The following PIWIL3 variants were observed in gnomAD, a reference collection of about 807,000 sequenced individuals.
PIWIL3 encodes piwi like RNA-mediated gene silencing 3, also known as piwi-like protein 3.
PIWIL3 carries 101 observed loss-of-function variants against 109.7 expected under a neutral mutation model. The ratio of observed to expected loss-of-function variants is 0.92; its 90% CI spans 0.78 to 1.09. PIWIL3 has a LOEUF of 1.09. PIWIL3 is among the 50% of genes least tolerant of loss of function. The pLI is 0.00. For synonymous variants in PIWIL3, 373 were observed against 376.4 expected, an observed-to-expected ratio of 0.99 and a Z score of 0.10; for missense variants, 1,031 against 1,072.6, an observed-to-expected ratio of 0.96 and a Z score of 0.54.
In PIWIL3 at chr22:24,734,223, A is replaced by G. The variant is rs1259482955; in HGVS notation, c.1635-67T>C. The G allele has an allele frequency of 1.6e-5, 25 of 1,570,318 alleles. No individual in the cohort carries two copies. The South Asian group carries it at 3.0e-4, about 19-fold the overall frequency. On this transcript the variant is annotated intron_variant, in intron 13 of 20. Transcript: ENST00000616349. ...CAGTGAAACAAACGTTTCACCCAGCAAATTAAATACAAAGTAAGACATGAT... is the reference window on the plus strand; with the variant it reads ...CAGTGAAACAAACGTTTCACCCAGCGAATTAAATACAAAGTAAGACATGAT...
rs754585316 is a variant in PIWIL3 at position 24,754,191 on chromosome 22, T to C, written c.800A>G (p.Tyr267Cys). Reference protein sequence around the residue: ...HGTSLEIWLGYVTSVLQYENS... With the variant: ...HGTSLEIWLGCVTSVLQYENS... ...TTCGTATTGAAGAACAGAAGTAACA[T>C]AACCAAGCCAGATTTCCAAACTGGT... Residue 267 changes from tyrosine to cysteine, a missense_variant, in exon 8 of 21, where the codon TAT becomes TGT. Tyr to Cys is a radical substitution (Grantham distance 194, BLOSUM62 -2). Coordinates refer to ENST00000616349, the MANE Select transcript of PIWIL3 (RefSeq NM_001255975.1). The C allele has an allele frequency of 2.0e-5, 33 of 1,613,860 alleles. 1 individual carries two copies. The South Asian group carries it at 3.1e-4, about 15-fold the overall frequency.
chr22:24,770,846 A>C (rs1312407488), intron 1 of PIWIL3, among the ~76,000 whole-genome samples: 1 of 151,388 alleles, frequency 6.6e-6, no homozygotes, highest in Admixed American at 6.6e-5. Flanking sequence ...AAAAAATAAT[A>C]ATAATAAATA....
At chr22:24,760,901 A>G (rs947601923) in intron 2 of PIWIL3, among the ~76,000 whole-genome samples, 5 of 150,210 alleles carry the variant, frequency 3.3e-5, no homozygotes, top group Admixed American at 2.7e-4. Flanking sequence ...AAGGGATGTG[A>G]GCTGTTTGGG....
chr22:24,764,403 G>T (rs912293601), intron 1 of PIWIL3, among the ~76,000 whole-genome samples: 57 of 152,178 alleles, frequency 3.7e-4, no homozygotes, highest in African/African-American at 1.3e-3. Context: ...CCAACTCCCT[G>T]CTGGGGCCGG....
intron 19 of PIWIL3, among the ~76,000 whole-genome samples, chr22:24,721,810 T>C (rs1414443094): frequency 6.6e-6 from 1 of 152,244 alleles, no homozygotes; most frequent in Non-Finnish European, 1.5e-5. Flanking sequence ...AACCATTTCA[T>C]CTTCTGGAAG....
chr22:24,720,429 A>G (rs1922609586), intron 19 of PIWIL3, among the ~76,000 whole-genome samples: 2 of 150,438 alleles, frequency 1.3e-5, no homozygotes, highest in South Asian at 2.1e-4. Context: ...CCACCACCAC[A>G]CCCGGCTAAT....
In PIWIL3 at chr22:24,744,178, T is replaced by TTAAAAAAAAAAAAAAAA. The variant is rs1924180538; in HGVS notation, c.1449+4728_1449+4729insTTTTTTTTTTTTTTTTA. Among the ~76,000 whole-genome samples the TTAAAAAAAAAAAAAAAA allele has an allele frequency of 9.1e-3, 311 of 34,318 alleles. 102 individuals carry two copies. The highest frequency in any genetic ancestry group is 0.012 in the Non-Finnish European group (204 of 17,634). The allele number at this position is 34,318 out of a possible 152,430, so 22.5% of individuals were successfully genotyped here. Reference sequence around the variant, plus strand: ...ACTCTAATTGAAAGAGTGACCGAATTAAAAAAAAAAAAAAAAAAAAAAAAA... The same window carrying TTAAAAAAAAAAAAAAAA: ...ACTCTAATTGAAAGAGTGACCGAATTTAAAAAAAAAAAAAAAAAAAAAAAAAAAAAAAAAAAAAAAAA... On this transcript the variant is annotated intron_variant, in intron 12 of 20. Coordinates refer to ENST00000616349, the MANE Select transcript of PIWIL3 (RefSeq NM_001255975.1).
At chr22:24,751,627 C>A in intron 8 of PIWIL3, 129 bp from the exon 9 acceptor site, 2 of 1,430,036 alleles carry the variant, frequency 1.4e-6, no homozygotes, top group African/African-American at 1.4e-5. Context: ...ATGTAATTCA[C>A]ATACTGTACA....
At chr22:24,759,488 C>T (rs1197484540) in intron 3 of PIWIL3, among the ~76,000 whole-genome samples, 1 of 152,134 alleles carries the variant, frequency 6.6e-6, no homozygotes, top group African/African-American at 2.4e-5. Flanking sequence ...CGAGGATAAC[C>T]TGTCAGCCTG....
At chr22:24,773,260 G>A (rs2147739983) in intron 1 of PIWIL3, among the ~76,000 whole-genome samples, 1 of 152,274 alleles carries the variant, frequency 6.6e-6, no homozygotes, top group South Asian at 2.1e-4. Flanking sequence ...ATTACACACT[G>A]TCCCTTCCCC....
chr22:24,754,943 A>G (rs536930241), intron 6 of PIWIL3, 79 bp from the exon 7 acceptor site: 28 of 1,193,038 alleles, frequency 2.3e-5, no homozygotes, highest in Non-Finnish European at 3.2e-5. Flanking sequence ...AAGGGAAAAA[A>G]AATCTGTCAA....
At chr22:24,723,331 G>GAGGTAAGTGTCA in intron 18 of PIWIL3, 76 bp from the exon 19 acceptor site, 2 of 1,459,954 alleles carry the variant, frequency 1.4e-6, no homozygotes, top group African/African-American at 1.4e-5. Context: ...TGAAACATCT[G>GAGGTAAGTGTCA]CTTTACATTT....
chr22:24,719,433 G>A lies in PIWIL3; in HGVS notation c.*39C>T, dbSNP rs781356127. 2 of 1,410,440 alleles carry A rather than the reference G, an allele frequency of 1.4e-6. No individual in the cohort carries two copies. Among genetic ancestry groups the A allele is most frequent in the Middle Eastern group, 1.8e-4 (1 of 5,438 alleles). The allele number at this position is 1,410,440 out of a possible 1,614,324, so 87.4% of individuals were successfully genotyped here. Reference sequence around the variant, plus strand: ...CTTCAAAAGGAAGACAGGCTTACACGTTGTGGTTTCATTAGCACATCAGGT... The same window carrying A: ...CTTCAAAAGGAAGACAGGCTTACACATTGTGGTTTCATTAGCACATCAGGT... On this transcript the variant is annotated 3_prime_UTR_variant, in exon 21 of 21. Transcript: ENST00000616349.
chr22:24,747,230 G>T (rs1174212277), intron 12 of PIWIL3, among the ~76,000 whole-genome samples: 1 of 151,968 alleles, frequency 6.6e-6, no homozygotes, highest in Non-Finnish European at 1.5e-5. Context: ...ATTGGGGAAA[G>T]GACAGTCTCT....
chr22:24,771,491 A>G (rs1025190821), intron 1 of PIWIL3, among the ~76,000 whole-genome samples: 3 of 149,356 alleles, frequency 2.0e-5, no homozygotes, highest in Non-Finnish European at 3.0e-5. Context: ...AAAAAAAAAA[A>G]AAAGAAAGTT....
chr22:24,723,189 G>T lies in PIWIL3; in HGVS notation c.2298C>A (p.Ser766Arg). 1 of 1,611,514 alleles carries T rather than the reference G, an allele frequency of 6.2e-7. No homozygotes were observed. Among genetic ancestry groups the T allele is most frequent in the Non-Finnish European group, 8.5e-7 (1 of 1,177,854 alleles). Residue 766 changes from serine (S) to arginine (R), a missense_variant, in exon 19 of 21, where the codon AGC (serine) becomes AGA (arginine). Physicochemically the swap from Ser to Arg is moderately radical, Grantham distance 110. Coordinates refer to ENST00000616349, the MANE Select transcript of PIWIL3 (RefSeq NM_001255975.1). ...INTRFFLKHG[S>R]NFQNPPPGTV... is the part of the protein sequence containing the mutation. Reference sequence around the variant, plus strand: ...TTCCTGGAGGTGGATTTTGAAAATTGCTTCCATGTTTAAGAAAAAATCTAG... The same window carrying T: ...TTCCTGGAGGTGGATTTTGAAAATTTCTTCCATGTTTAAGAAAAAATCTAG...
At chr22:24,749,232 C>G (rs73152592) in intron 11 of PIWIL3, among the ~76,000 whole-genome samples, 172 bp downstream of exon 11, 1 of 152,090 alleles carries the variant, frequency 6.6e-6, no homozygotes, top group Non-Finnish European at 1.5e-5. Context: ...TCTTCCCCCC[C>G]GGCCTCCTAA....
rs1407946969 is a variant in PIWIL3 at position 24,725,186 on chromosome 22, C to T, written c.2081-149G>A. On this transcript the variant is annotated intron_variant, in intron 17 of 20. Transcript: ENST00000616349. ...TCCTGTCTATTCTGGGGTTCCTCAACAACAGCACTATGGAAGTTTTGATCC... is the reference window on the plus strand; with the variant it reads ...TCCTGTCTATTCTGGGGTTCCTCAATAACAGCACTATGGAAGTTTTGATCC... 4.7e-6 allele frequency: 5 copies of T among 1,055,672 alleles called. No individual in the cohort carries two copies. The African/African-American group carries it at 4.8e-5, about 10-fold the overall frequency. The allele number at this position is 1,055,672 out of a possible 1,614,324, so 65.4% of individuals were successfully genotyped here. A position where few individuals can be genotyped will look rare whatever the true frequency, so the allele number is the denominator to read the frequency against.
chr22:24,733,629 G>A (rs1441003070), intron 14 of PIWIL3, among the ~76,000 whole-genome samples: 6 of 152,056 alleles, frequency 3.9e-5, no homozygotes, highest in Non-Finnish European at 7.3e-5. Flanking sequence ...ACAGTGGGCC[G>A]AGATCATGCC....
Sources: allele counts gnomAD v4.1 joint callset (sites outside exome capture counted in the v4.1 genomes callset), GRCh38; gene constraint gnomAD v4.1.1; transcripts MANE v1.5; gene names NCBI Gene and HGNC (gene_info 2026-07-23, HGNC 2026-07-21).